The following CSPG4 variants were observed in gnomAD, a reference collection of about 807,000 sequenced individuals.
CSPG4 encodes chondroitin sulfate proteoglycan 4 (melanoma-associated).
In CSPG4, 74 loss-of-function variants were observed where a neutral mutation model predicts 139.3. That is an observed-to-expected ratio of 0.53 (90% CI 0.44 to 0.64). The LOEUF (loss-of-function observed/expected upper bound fraction) is 0.64. Ranked by LOEUF, CSPG4 falls within the 30% of genes least tolerant of loss-of-function variation. The probability of loss-of-function intolerance (pLI) is 0.00; values close to 1 mark genes in which losing one functional copy is unlikely to be tolerated. For missense variants in CSPG4, 2,565 were observed against 3,148.3 expected (o/e 0.81, Z 4.43); for synonymous variants, 1,234 against 1,394.2 (o/e 0.89, Z 2.56).
upstream of CSPG4, chr15:75,712,882 G>A: frequency 4.1e-6 from 3 of 731,890 alleles, no homozygotes; most frequent in Non-Finnish European, 6.3e-6. Context: ...ACTTAACTCC[G>A]GGGGCGGGGC....
intron 1 of CSPG4, among the ~76,000 whole-genome samples, chr15:75,706,573 C>A (rs1287911879): frequency 2.0e-5 from 3 of 152,084 alleles, no homozygotes; most frequent in African/African-American, 7.2e-5. Context: ...GAGGGCAGGG[C>A]CCCAGGAGAG....
chr15:75,688,998 C>T lies in CSPG4; in HGVS notation c.2067G>A (p.Glu689=), dbSNP rs1053950115. The T allele has an allele frequency of 1.2e-6, 2 of 1,612,258 alleles. No homozygotes were observed. Among genetic ancestry groups the T allele is most frequent in the Non-Finnish European group, 1.7e-6 (2 of 1,180,020 alleles). The change falls in exon 3 of 10, where the codon GAG becomes GAA. Residue 689 remains glutamate (E), a synonymous_variant. Coordinates refer to ENST00000308508, the MANE Select transcript of CSPG4 (RefSeq NM_001897.5). ...MPILPANLSV[E]TNAVGQDVSV... is the part of the protein sequence containing the mutation. ...TCACATCCTGCCCCACGGCATTGGT[C>T]TCCACCGACAGGTTGGCGGGCAAGA...
At chr15:75,692,627 A>C (rs1894179707) in intron 2 of CSPG4, among the ~76,000 whole-genome samples, 1 of 152,206 alleles carries the variant, frequency 6.6e-6, no homozygotes, top group South Asian at 2.1e-4. Context: ...TGCCACCGGG[A>C]TGCACAGGGG....
At chr15:75,699,807 G>A (rs1355750786) in intron 1 of CSPG4, among the ~76,000 whole-genome samples, 2 of 152,144 alleles carry the variant, frequency 1.3e-5, no homozygotes, top group African/African-American at 4.8e-5. Context: ...TGGCTGCGGT[G>A]GGGAGCGGTT....
rs527348483 is a variant in CSPG4, at chr15:75,684,768, G to T, written c.4417C>A (p.Pro1473Thr). 4 of 1,613,822 alleles carry T rather than the reference G, an allele frequency of 2.5e-6. No individual in the cohort carries two copies. Among genetic ancestry groups the T allele is most frequent in the Non-Finnish European group, 3.4e-6 (4 of 1,179,930 alleles). ...CCTGTGTTTGTAGTGAGGATGGGGG[G>T]TTGGTCATTGACAGGCAGGACAGTG... is the stretch of plus-strand genomic sequence containing the variant. Reference protein sequence around the residue: ...TVTVLPVNDQPPILTTNTGLQ... With the variant: ...TVTVLPVNDQTPILTTNTGLQ... Residue 1473 changes from proline to threonine, a missense_variant, in exon 5 of 10, where the codon CCC becomes ACC. Coordinates refer to ENST00000308508, the MANE Select transcript of CSPG4 (RefSeq NM_001897.5).
rs1245738852 is a variant in CSPG4, at chr15:75,707,285, C to T, written c.88+5383G>A. Among the ~76,000 whole-genome samples the T allele has an allele frequency of 3.9e-5, 6 of 152,262 alleles. No individual in the cohort carries two copies. The East Asian group carries it at 1.2e-3, about 29-fold the overall frequency. ...ACACATAAGAACTTAACATAAATTTCTCTCAGGCACAAAATTTCTTTAAAA... is the reference window on the plus strand; with the variant it reads ...ACACATAAGAACTTAACATAAATTTTTCTCAGGCACAAAATTTCTTTAAAA... On this transcript the variant is annotated intron_variant, in intron 1 of 9. Coordinates refer to ENST00000308508, the MANE Select transcript of CSPG4 (RefSeq NM_001897.5).
rs1894151010 is a variant in CSPG4, at chr15:75,690,565, C to T, written c.500G>A (p.Arg167Lys). 6.2e-7 allele frequency: 1 copy of T among 1,608,702 alleles called. No individual in the cohort carries two copies. Among genetic ancestry groups the T allele is most frequent in the Non-Finnish European group, 8.5e-7 (1 of 1,178,652 alleles). The change falls in exon 3 of 10, where the codon AGG (arginine) becomes AAG (lysine). Residue 167 changes from arginine to lysine, a missense_variant. Physicochemically the swap from Arg to Lys is conservative, Grantham distance 26 (BLOSUM62 2). Around this residue, in one of 5 missense-constraint regions of CSPG4, gnomAD observed 132 missense variants for 132.3 expected, o/e 1.00. Coordinates refer to ENST00000308508, the MANE Select transcript of CSPG4 (RefSeq NM_001897.5). ...PYLRGTSRPLRGCLHAATLNG... is the reference protein window; with the variant it reads ...PYLRGTSRPLKGCLHAATLNG... ...GAGGGTGGCTGCATGGAGGCAACCC[C>T]TCAGGGGTCGGCTGGTTCCCCTCAG...
rs774145739 is a variant in CSPG4 at position 75,675,726 on chromosome 15, G to T, written c.6793C>A (p.Arg2265Ser). 9 of 1,594,774 alleles carry T rather than the reference G, an allele frequency of 5.6e-6. No individual in the cohort carries two copies. In the African/African-American group the frequency reaches 1.2e-4, roughly 21 times the overall value. ...HDVQVLTAKP[R>S]NGLAGDTETF... ...TCGGTGTCACCAGCCAGGCCGTTGC[G>T]GGGCTTGGCAGTCAGGACCTGGACG... is the stretch of plus-strand genomic sequence containing the variant. The change falls in exon 10 of 10, where the codon CGC becomes AGC. Residue 2265 changes from arginine (R) to serine (S), a missense_variant. By Grantham distance (110) the Arg-to-Ser change is moderately radical. Around this residue, in one of 5 missense-constraint regions of CSPG4, gnomAD observed 2,316 missense variants for 2,818.2 expected, o/e 0.82. Coordinates refer to ENST00000308508, the MANE Select transcript of CSPG4 (RefSeq NM_001897.5).
intron 1 of CSPG4, 78 bp downstream of exon 1, chr15:75,712,587 GCTC>G: frequency 7.3e-7 from 1 of 1,368,880 alleles, no homozygotes; most frequent in Non-Finnish European, 1.0e-6. Context: ...GCCACTTCTG[GCTC>G]CTCCTGTCCC....
intron 1 of CSPG4, among the ~76,000 whole-genome samples, chr15:75,694,934 C>A (rs1478157975): frequency 6.6e-6 from 1 of 152,256 alleles, no homozygotes; most frequent in Non-Finnish European, 1.5e-5. Flanking sequence ...GAGGCCATAG[C>A]ACAAGGGGTG....
At chr15:75,708,837 G>A (rs1894407463) in intron 1 of CSPG4, among the ~76,000 whole-genome samples, 1 of 152,194 alleles carries the variant, frequency 6.6e-6, no homozygotes, top group East Asian at 1.9e-4. Flanking sequence ...GACCAGCCTG[G>A]GCAACATAGT....
Position 75,675,719 on chromosome 15 carries a change from C to A in CSPG4, c.6800G>T (p.Gly2267Val). Residue 2267 changes from glycine to valine, a missense_variant, in exon 10 of 10, where the codon GGC becomes GTC. Physicochemically the swap from Gly to Val is moderately radical, Grantham distance 109. This residue lies in a region of CSPG4 where 2,316 missense variants were observed against 2,818.2 expected (regional missense o/e 0.82). Coordinates refer to ENST00000308508, the MANE Select transcript of CSPG4 (RefSeq NM_001897.5). Reference protein sequence around the residue: ...VQVLTAKPRNGLAGDTETFRK... With the variant: ...VQVLTAKPRNVLAGDTETFRK... ...AAAGGTCTCGGTGTCACCAGCCAGG[C>A]CGTTGCGGGGCTTGGCAGTCAGGAC... 6.3e-7 allele frequency: 1 copy of A among 1,588,342 alleles called. No individual in the cohort carries two copies. Among genetic ancestry groups the A allele is most frequent in the Non-Finnish European group, 8.6e-7 (1 of 1,164,136 alleles).
chr15:75,680,973 C>T (rs565931379), intron 8 of CSPG4, among the ~76,000 whole-genome samples: 13 of 152,242 alleles, frequency 8.5e-5, no homozygotes, highest in East Asian at 1.9e-4. Context: ...TTCTGGGGCA[C>T]GGGGAAGCTC....
Position 75,676,828 on chromosome 15 carries a change from G to A in CSPG4, c.5691C>T (p.Ala1897=), listed in dbSNP as rs547267336. ...AGGCCAGCCGCCCTGAATCCACATC[G>A]GCTTGCGTGAAGCGGGTCACGGGCC... ...GLGPVTRFTQ[A]DVDSGRLAFV... The change falls in exon 10 of 10, where the codon GCC becomes GCT. Residue 1897 remains alanine, a synonymous_variant. Transcript: ENST00000308508. 1.6e-5 allele frequency: 25 copies of A among 1,549,234 alleles called. No homozygotes were observed. Among genetic ancestry groups the A allele is most frequent in the Admixed American group, 1.1e-4 (6 of 52,296 alleles).
chr15:75,688,545 C>T lies in CSPG4; in HGVS notation c.2520G>A (p.Arg840=), dbSNP rs1268903031. ...RKGNLQLQGT[R]LSDGQGFTQD... is the part of the protein sequence containing the mutation. ...GGGTGAAGCCCTGGCCATCTGACAG[C>T]CTTGTGCCCTGTAGTTGAAGGTTGC... is the stretch of plus-strand genomic sequence containing the variant. The change falls in exon 3 of 10, where the codon AGG becomes AGA. Residue 840 remains arginine (R), a synonymous_variant. Transcript: ENST00000308508. 1 of 1,613,160 alleles carries T rather than the reference C, an allele frequency of 6.2e-7. No individual in the cohort carries two copies. Among genetic ancestry groups the T allele is most frequent in the South Asian group, 1.1e-5 (1 of 91,078 alleles).
Position 75,690,700 on chromosome 15 carries a change from G to A in CSPG4, c.365C>T (p.Thr122Met), listed in dbSNP as rs188604831. 264 of 1,613,068 alleles carry A rather than the reference G, an allele frequency of 1.6e-4. No homozygotes were observed. The highest frequency in any genetic ancestry group is 1.2e-3 in the Admixed American group (72 of 60,022). Residue 122 changes from threonine (T) to methionine (M), a missense_variant, in exon 3 of 10, where the codon ACG becomes ATG. Physicochemically the swap from Thr to Met is moderately conservative, Grantham distance 81. Around this residue, in one of 5 missense-constraint regions of CSPG4, gnomAD observed 132 missense variants for 132.3 expected, o/e 1.00. Transcript: ENST00000308508. ...VVLTVVEGWA[T>M]LSVDGFLNAS... The stretch of plus-strand genomic sequence containing the variant: ...GTTCAGAAACCCATCGACTGACAAC[G>A]TGGCCCAGCCCTCTACGACAGTCAG...
intron 1 of CSPG4, among the ~76,000 whole-genome samples, chr15:75,700,494 G>A (rs867901577): frequency 6.6e-6 from 1 of 152,126 alleles, no homozygotes; most frequent in African/African-American, 2.4e-5. Context: ...CCTTCTGCAG[G>A]GGCTGGCGGG....
intron 1 of CSPG4, among the ~76,000 whole-genome samples, chr15:75,703,331 C>CG (rs1894328736): frequency 6.6e-6 from 1 of 150,580 alleles, no homozygotes; most frequent in African/African-American, 2.4e-5. Context: ...GGGTGCTCTG[C>CG]AGCCCGGGTG....
intron 1 of CSPG4, among the ~76,000 whole-genome samples, chr15:75,694,564 G>A (rs543894967): frequency 2.0e-5 from 3 of 152,350 alleles, no homozygotes; most frequent in South Asian, 2.1e-4. Flanking sequence ...GCTGCCATCC[G>A]CCTGAGTAAG....
Sources: allele counts gnomAD v4.1 joint callset (sites outside exome capture counted in the v4.1 genomes callset), GRCh38; gene constraint gnomAD v4.1.1; regional missense constraint gnomAD v4.1.1; transcripts MANE v1.5; gene names NCBI Gene and HGNC (gene_info 2026-07-23, HGNC 2026-07-21).